THOC1: variants seen among roughly 807,000 people sequenced by gnomAD.
THOC1 encodes the protein THO complex 1.
A neutral mutation model predicts 97.3 loss-of-function variants in THOC1; 29 were observed. That is an observed-to-expected ratio of 0.30 (90% CI 0.22 to 0.41). The LOEUF (loss-of-function observed/expected upper bound fraction) is 0.41, where lower values mean the gene tolerates loss of function less well. THOC1 is among the 10% of genes least tolerant of loss of function. THOC1 has a pLI of 1.00. For missense variants in THOC1, 529 were observed against 761.9 expected, an observed-to-expected ratio of 0.69 and a Z score of 3.60; for synonymous variants, 255 against 257.0, an observed-to-expected ratio of 0.99 and a Z score of 0.07.
intron 11 of THOC1, among the ~76,000 whole-genome samples, chr18:227,858 C>A (rs560164395): frequency 6.6e-6 from 1 of 152,068 alleles, no homozygotes; most frequent in Non-Finnish European, 1.5e-5. Flanking sequence ...CTCTGCTTTA[C>A]GTGGTTGGTA....
chr18:260,118 AAT>A (rs1912558372), intron 5 of THOC1, 66 bp downstream of exon 5: 1 of 1,070,524 alleles, frequency 9.3e-7, no homozygotes, highest in Non-Finnish European at 1.3e-6. Context: ...TAAAAAAAAA[AAT>A]CTACCCTCAG....
At chr18:225,236 C>T in intron 13 of THOC1, 97 bp from the exon 14 acceptor site, 1 of 1,532,066 alleles carries the variant, frequency 6.5e-7, no homozygotes, top group Non-Finnish European at 8.9e-7. Context: ...GGTCTTGTAC[C>T]TGAGCTTAAC....
chr18:219,068 G>A (rs1308802260), intron 17 of THOC1, 99 bp from the exon 18 acceptor site: 1 of 337,410 alleles, frequency 3.0e-6, no homozygotes. Flanking sequence ...TGTGTTCCCT[G>A]AGCAGTACAA....
intron 11 of THOC1, among the ~76,000 whole-genome samples, chr18:243,021 CAA>C (rs1204424169): frequency 8.5e-5 from 13 of 152,210 alleles, no homozygotes; most frequent in African/African-American, 3.1e-4. Flanking sequence ...GAAGAATGTA[CAA>C]AGAGGACTGT....
chr18:224,023 G>A (rs1223920192), intron 16 of THOC1, 61 bp downstream of exon 16: 2 of 1,216,694 alleles, frequency 1.6e-6, no homozygotes, highest in African/African-American at 1.5e-5. Flanking sequence ...AGTTCTTAAA[G>A]TAACATCTTC....
At chr18:240,074 A>G (rs532309105) in intron 11 of THOC1, among the ~76,000 whole-genome samples, 1 of 152,332 alleles carries the variant, frequency 6.6e-6, no homozygotes, top group Non-Finnish European at 1.5e-5. Context: ...TAGAGGATCT[A>G]AAATTTGTAA....
intron 9 of THOC1, among the ~76,000 whole-genome samples, chr18:251,100 T>C (rs1598303028): frequency 2.0e-5 from 3 of 152,354 alleles, no homozygotes; most frequent in East Asian, 3.9e-4. Context: ...ATTAGTGCCT[T>C]AATAGACTAT....
At chr18:267,715 G>A (rs1567860115) in intron 1 of THOC1, among the ~76,000 whole-genome samples, 1 of 152,196 alleles carries the variant, frequency 6.6e-6, no homozygotes, top group Non-Finnish European at 1.5e-5. Flanking sequence ...TCCAAGCGGG[G>A]AGCCGAGGCG....
chr18:265,956 G>A (rs927567200), intron 1 of THOC1, among the ~76,000 whole-genome samples: 4 of 152,086 alleles, frequency 2.6e-5, no homozygotes, highest in Admixed American at 1.3e-4. Flanking sequence ...CTAAAGTCTA[G>A]CCATTTTTCA....
At chr18:245,089 TG>T (rs1912044599) in intron 11 of THOC1, 2 of 152,214 alleles carry the variant, frequency 1.3e-5, no homozygotes, top group Admixed American at 1.3e-4. Flanking sequence ...TTTCAATGGA[TG>T]TTATCTCATC....
chr18:216,443 G>A lies in THOC1; in HGVS notation c.1602+43C>T, dbSNP rs763186333. ...ACATAGTGACAGCAATTTTAAAGAA[G>A]ATGTCAACTAAAGGGTATGAAAAGT... On this transcript the variant is annotated intron_variant, in intron 19 of 20. Coordinates refer to ENST00000261600, the MANE Select transcript of THOC1 (RefSeq NM_005131.3). The A allele has an allele frequency of 2.5e-6, 4 of 1,581,128 alleles. No individual in the cohort carries two copies. The East Asian group carries it at 9.0e-5, about 36-fold the overall frequency.
At position 215,504 on chromosome 18, in the gene THOC1, G is replaced by A. The variant is rs138671246; in HGVS notation, c.1603C>T (p.Pro535Ser). ...CCTGTTTTTATTTCTTCAGAAGGAG[G>A]CTAAAAATGAGAAAGAAGAATGTTT... Reference protein sequence around the residue: ...MVIKLAKELPPPSEEIKTGED... With the variant: ...MVIKLAKELPSPSEEIKTGED... Residue 535 changes from proline (P) to serine (S), a missense_variant and splice_region_variant, in exon 20 of 21, where the codon CCT becomes TCT. Transcript: ENST00000261600. The A allele has an allele frequency of 1.6e-3, 2,586 of 1,610,892 alleles. 1 individual carries two copies. The highest frequency in any genetic ancestry group is 2.6e-3 in the Middle Eastern group (16 of 6,054).
intron 9 of THOC1, among the ~76,000 whole-genome samples, chr18:248,237 C>T (rs757443885): frequency 5.3e-5 from 8 of 152,214 alleles, no homozygotes; most frequent in Non-Finnish European, 8.8e-5. Flanking sequence ...TCTTGCTGCT[C>T]GCATGGTCAT....
intron 1 of THOC1, among the ~76,000 whole-genome samples, chr18:265,953 C>G (rs1357224335): frequency 6.6e-6 from 1 of 152,192 alleles, no homozygotes. Flanking sequence ...GCACTAAAGT[C>G]TAGCCATTTT....
At chr18:255,353 G>A (rs928570761) in intron 7 of THOC1, among the ~76,000 whole-genome samples, 1 of 152,190 alleles carries the variant, frequency 6.6e-6, no homozygotes, top group Admixed American at 6.5e-5. Context: ...GTTCTTGAGG[G>A]AAGTTAAAAG....
At chr18:215,666 G>T in intron 19 of THOC1, 162 bp from the exon 20 acceptor site, 1 of 588,650 alleles carries the variant, frequency 1.7e-6, no homozygotes, top group Non-Finnish European at 3.0e-6. Context: ...ATCCTAAGTG[G>T]GACTATCTTC....
At chr18:243,305 T>C (rs939042629) in intron 11 of THOC1, among the ~76,000 whole-genome samples, 2 of 152,184 alleles carry the variant, frequency 1.3e-5, no homozygotes, top group Non-Finnish European at 2.9e-5. Context: ...GAAAGCCAAG[T>C]GTGACAAAGT....
chr18:259,946 A>T, intron 5 of THOC1: 1 of 525,524 alleles, frequency 1.9e-6, no homozygotes, highest in East Asian at 3.3e-5. Flanking sequence ...AACATGTGAA[A>T]GTGTGAATTT....
At chr18:237,446 C>T (rs1260699444) in intron 11 of THOC1, among the ~76,000 whole-genome samples, 1 of 152,068 alleles carries the variant, frequency 6.6e-6, no homozygotes, top group Non-Finnish European at 1.5e-5. Flanking sequence ...CGTGAGCCAC[C>T]ACACTGGGCT....
Sources: allele counts gnomAD v4.1 joint callset (sites outside exome capture counted in the v4.1 genomes callset), GRCh38; gene constraint gnomAD v4.1.1; transcripts MANE v1.5; gene names NCBI Gene and HGNC (gene_info 2026-07-23, HGNC 2026-07-21).